The following REV1 variants were observed in gnomAD, a reference collection of about 807,000 sequenced individuals.
The protein encoded by REV1 is translesion synthesis protein REV1.
A neutral mutation model predicts 137.4 loss-of-function variants in REV1; 42 were observed. The ratio of observed to expected loss-of-function variants is 0.31; its 90% CI spans 0.24 to 0.40. REV1 has a LOEUF of 0.40. Ranked by LOEUF, REV1 falls within the 10% of genes least tolerant of loss-of-function variation. The probability of loss-of-function intolerance (pLI) is 1.00; values close to 1 mark genes in which losing one functional copy is unlikely to be tolerated. For synonymous variants in REV1, 524 were observed against 519.2 expected, an observed-to-expected ratio of 1.01 and a Z score of -0.12; for missense variants, 1,282 against 1,490.1, an observed-to-expected ratio of 0.86 and a Z score of 2.30.
intron 1 of REV1, among the ~76,000 whole-genome samples, chr2:99,485,267 T>C (rs987186172): frequency 6.6e-6 from 1 of 152,234 alleles, no homozygotes; most frequent in Admixed American, 6.5e-5. Context: ...ATATCTATTA[T>C]TACAAAGTCA....
At chr2:99,410,564 TC>T (rs1676993355) in intron 14 of REV1, 130 bp downstream of exon 14, 1 of 783,478 alleles carries the variant, frequency 1.3e-6, no homozygotes, top group Non-Finnish European at 2.0e-6. Context: ...GATGCCTGCT[TC>T]TACAGAATAC....
chr2:99,410,551 G>A, intron 14 of REV1, 144 bp downstream of exon 14: 1 of 702,854 alleles, frequency 1.4e-6, no homozygotes, highest in Non-Finnish European at 2.3e-6. Flanking sequence ...AATGCCTTGG[G>A]CTGATGCCTG....
intron 6 of REV1, among the ~76,000 whole-genome samples, chr2:99,437,285 C>T (rs971484155): frequency 3.3e-4 from 50 of 152,048 alleles, no homozygotes; most frequent in Non-Finnish European, 8.8e-5. Context: ...GCCCAGCCTG[C>T]TCATGTATTC....
chr2:99,402,171 AAAC>A (rs1675558057), intron 22 of REV1, 70 bp downstream of exon 22: 9 of 661,696 alleles, frequency 1.4e-5, no homozygotes, highest in Non-Finnish European at 1.6e-5. Flanking sequence ...AGAAAGTTTA[AAAC>A]AACTCAGTAC....
chr2:99,437,273 G>A (rs1357790906), intron 6 of REV1, among the ~76,000 whole-genome samples: 3 of 152,076 alleles, frequency 2.0e-5, no homozygotes, highest in Non-Finnish European at 4.4e-5. Context: ...ATGAGCCACT[G>A]TGCCCAGCCT....
At chr2:99,414,899 CTTGAG>C (rs1245986311) in intron 12 of REV1, among the ~76,000 whole-genome samples, 1 of 152,188 alleles carries the variant, frequency 6.6e-6, no homozygotes, top group African/African-American at 2.4e-5. Context: ...TTTAGAGTAT[CTTGAG>C]TATACCACAA....
At position 99,465,003 on chromosome 2, in the gene REV1, A is replaced by T; in HGVS notation, c.-10-18T>A. The stretch of plus-strand genomic sequence containing the variant: ...TGGAGCTTCTGTATTGGGGAGGAAA[A>T]AAAAAATGTCAATTTTATAACATAA... On this transcript the variant is annotated intron_variant, in intron 1 of 22. Coordinates refer to ENST00000258428, the MANE Select transcript of REV1 (RefSeq NM_016316.4). 1 of 1,587,796 alleles carries T rather than the reference A, an allele frequency of 6.3e-7. No individual in the cohort carries two copies. Among genetic ancestry groups the T allele is most frequent in the Non-Finnish European group, 8.6e-7 (1 of 1,162,392 alleles).
intron 9 of REV1, among the ~76,000 whole-genome samples, chr2:99,429,334 C>T (rs1294447907): frequency 6.6e-6 from 1 of 152,026 alleles, no homozygotes; most frequent in Non-Finnish European, 1.5e-5. Context: ...AAAGTTGGTG[C>T]TAACAAGTTG....
At chr2:99,466,960 C>A (rs941135140) in intron 1 of REV1, among the ~76,000 whole-genome samples, 40 of 152,224 alleles carry the variant, frequency 2.6e-4, no homozygotes, top group Non-Finnish European at 1.9e-4. Flanking sequence ...TAACACACAG[C>A]ACTGGACTAC....
At position 99,482,887 on chromosome 2, in the gene REV1, G is replaced by C. The variant is rs59645390; in HGVS notation, c.-11+6930C>G. On this transcript the variant is annotated intron_variant, in intron 1 of 22. Coordinates refer to ENST00000258428, the MANE Select transcript of REV1 (RefSeq NM_016316.4). Reference sequence around the variant, plus strand: ...CAAAACCCAGCTGGGCGTGGTGGCAGGTGCCTGTAATCTCAACCACTTGGG... The same window carrying C: ...CAAAACCCAGCTGGGCGTGGTGGCACGTGCCTGTAATCTCAACCACTTGGG... 9.5e-4 allele frequency among the ~76,000 whole-genome samples: 145 copies of C among 152,050 alleles called. 1 individual carries two copies. In the East Asian group the frequency reaches 0.02, roughly 21 times the overall value.
intron 9 of REV1, chr2:99,424,766 C>T: frequency 1.5e-6 from 2 of 1,303,508 alleles, no homozygotes; most frequent in Non-Finnish European, 1.0e-6. Context: ...TGTACTCATC[C>T]TATTACCACC....
chr2:99,469,989 C>T (rs907587904), intron 1 of REV1, among the ~76,000 whole-genome samples: 3 of 151,918 alleles, frequency 2.0e-5, no homozygotes, highest in African/African-American at 4.8e-5. Context: ...GGCATGGTGG[C>T]GGTCACCTGT....
chr2:99,442,405 G>T lies in REV1; in HGVS notation c.415C>A (p.Gln139Lys). The T allele has an allele frequency of 6.2e-7, 1 of 1,613,894 alleles. No homozygotes were observed. Among genetic ancestry groups the T allele is most frequent in the Non-Finnish European group, 8.5e-7 (1 of 1,179,868 alleles). Residue 139 changes from glutamine (Q) to lysine (K), a missense_variant, in exon 5 of 23, where the codon CAG (glutamine) becomes AAG (lysine). By Grantham distance (53) the Gln-to-Lys change is moderately conservative. Around this residue, in one of 7 missense-constraint regions of REV1, gnomAD observed 432 missense variants for 438.0 expected, o/e 0.99. Transcript: ENST00000258428. ...ACAGGATTAAAGCTGAGACCTTTCT[G>T]CACACTGGACTGCTTGGTGTACAGC... Reference protein sequence around the residue: ...YQLYTKQSSVQKGLSFNPVCR... With the variant: ...YQLYTKQSSVKKGLSFNPVCR...
chr2:99,459,228 C>T (rs975075493), intron 3 of REV1, among the ~76,000 whole-genome samples: 1 of 149,920 alleles, frequency 6.7e-6, no homozygotes, highest in South Asian at 2.1e-4. Flanking sequence ...AAAGAAAGAT[C>T]TTTGTAGTGT....
intron 9 of REV1, among the ~76,000 whole-genome samples, chr2:99,426,693 A>G (rs921894711): frequency 6.6e-6 from 1 of 152,194 alleles, no homozygotes; most frequent in Non-Finnish European, 1.5e-5. Context: ...AAAAAAGTCC[A>G]AAGTGTCTCA....
chr2:99,455,423 A>T (rs1014756165), intron 3 of REV1, among the ~76,000 whole-genome samples: 1 of 152,224 alleles, frequency 6.6e-6, no homozygotes, highest in Non-Finnish European at 1.5e-5. Flanking sequence ...TTACCAACAG[A>T]GTCACCACAA....
chr2:99,448,217 C>G (rs879524717), intron 4 of REV1, among the ~76,000 whole-genome samples: 1 of 152,040 alleles, frequency 6.6e-6, no homozygotes, highest in African/African-American at 2.4e-5. Flanking sequence ...AAAGCAAGAA[C>G]TAGAAAAAAA....
At chr2:99,446,705 G>A (rs1682266860) in intron 4 of REV1, among the ~76,000 whole-genome samples, 1 of 152,084 alleles carries the variant, frequency 6.6e-6, no homozygotes, top group South Asian at 2.1e-4. Flanking sequence ...ATATTGGCCA[G>A]GCTGGTCTTG....
chr2:99,446,189 G>A (rs908429092), intron 4 of REV1, among the ~76,000 whole-genome samples: 3 of 152,080 alleles, frequency 2.0e-5, no homozygotes, highest in Non-Finnish European at 4.4e-5. Context: ...GGTAAAAAGA[G>A]GACACAAACA....
Sources: allele counts gnomAD v4.1 joint callset (sites outside exome capture counted in the v4.1 genomes callset), GRCh38; gene constraint gnomAD v4.1.1; regional missense constraint gnomAD v4.1.1; transcripts MANE v1.5; gene names NCBI Gene and HGNC (gene_info 2026-07-23, HGNC 2026-07-21).